The following ADAMTSL1 variants were observed in gnomAD, a reference collection of about 807,000 sequenced individuals.
ADAMTSL1 encodes the protein ADAMTS-like protein 1.
Under a neutral mutation model 201.8 loss-of-function variants are expected in ADAMTSL1, and 126 were observed. The observed-to-expected ratio is 0.62, with a 90% CI of 0.54 to 0.72. The LOEUF is 0.72. Ranked by LOEUF, ADAMTSL1 falls within the 30% of genes least tolerant of loss-of-function variation. The pLI is 0.00. For synonymous variants in ADAMTSL1, 1,121 were observed against 903.4 expected, an observed-to-expected ratio of 1.24 and a Z score of -4.32; for missense variants, 2,679 against 2,277.8, an observed-to-expected ratio of 1.18 and a Z score of -3.59.
chr9:18,775,998 T>C, intron 18 of ADAMTSL1, 102 bp downstream of exon 18: 2 of 1,437,522 alleles, frequency 1.4e-6, no homozygotes, highest in Non-Finnish European at 1.9e-6. Flanking sequence ...CTGTGGGAAA[T>C]AGTGGGACAG....
chr9:18,353,919 A>G (rs1023508801), intron 2 of ADAMTSL1, among the ~76,000 whole-genome samples: 1 of 152,006 alleles, frequency 6.6e-6, no homozygotes, highest in African/African-American at 2.4e-5. Flanking sequence ...AGAAAAATTA[A>G]AAGTCGTAAT....
chr9:18,515,684 G>A (rs944483699), intron 2 of ADAMTSL1, among the ~76,000 whole-genome samples: 2 of 152,100 alleles, frequency 1.3e-5, no homozygotes, highest in Non-Finnish European at 2.9e-5. Context: ...TAAAATGATC[G>A]AGTCCGCCAT....
At chr9:18,876,183 T>G (rs1828136861) in intron 23 of ADAMTSL1, among the ~76,000 whole-genome samples, 1 of 152,142 alleles carries the variant, frequency 6.6e-6, no homozygotes, top group African/African-American at 2.4e-5. Context: ...GTTGGTGAAC[T>G]CTTACTCATT....
At chr9:18,643,348 T>C (rs1429644104) in intron 7 of ADAMTSL1, among the ~76,000 whole-genome samples, 3 of 152,064 alleles carry the variant, frequency 2.0e-5, no homozygotes, top group African/African-American at 7.2e-5. Context: ...ATTTGCAATT[T>C]TTTTTCCATT....
rs112934006 is a variant in ADAMTSL1 at position 18,272,774 on chromosome 9, C to T, written c.207+108793C>T. Among the ~76,000 whole-genome samples, 871 of 152,300 alleles carry T rather than the reference C, an allele frequency of 5.7e-3. 5 individuals are homozygous for T. The highest frequency in any genetic ancestry group is 0.019 in the African/African-American group (778 of 41,566). The stretch of plus-strand genomic sequence containing the variant: ...CTCTCTTCAGCAGACCTGGCCCTCT[C>T]TTAACCATTTTTTCCACTCAATTTC... On this transcript the variant is annotated intron_variant, in intron 2 of 29. Coordinates refer to the ADAMTSL1 transcript ENST00000680146.
At chr9:18,681,695 T>TG (rs201108118) in intron 11 of ADAMTSL1, 117 bp from the exon 12 acceptor site, 9 of 287,150 alleles carry the variant, frequency 3.1e-5, no homozygotes, top group East Asian at 1.7e-4. Context: ...GGAGTCCTCG[T>TG]GTGGGGGGGG....
In ADAMTSL1 at chr9:18,910,919, T is replaced by G. The variant is rs958208874; in HGVS notation, c.*2371T>G. 3.3e-5 allele frequency: 5 copies of G among 152,274 alleles called. No homozygotes were observed. The East Asian group carries it at 9.6e-4, about 29-fold the overall frequency. 9.4% of individuals were successfully genotyped at this position (152,274 alleles called of 1,614,324 possible). On this transcript the variant is annotated 3_prime_UTR_variant, in exon 29 of 29. Transcript: ENST00000380548. Reference sequence around the variant, plus strand: ...AAAACACAAAACTGTATTTGTATTTTTTGTACAGATAATACAGCTTATTTA... The same window carrying G: ...AAAACACAAAACTGTATTTGTATTTGTTGTACAGATAATACAGCTTATTTA...
At chr9:18,030,151 T>G (rs1363704579) in intron 1 of ADAMTSL1, among the ~76,000 whole-genome samples, 3 of 152,234 alleles carry the variant, frequency 2.0e-5, no homozygotes, top group Non-Finnish European at 2.9e-5. Flanking sequence ...CCAACCCAAA[T>G]GTCCAACAAT....
intron 1 of ADAMTSL1, among the ~76,000 whole-genome samples, chr9:18,129,827 A>G (rs1238732790): frequency 2.0e-5 from 3 of 152,194 alleles, no homozygotes; most frequent in African/African-American, 7.2e-5. Flanking sequence ...TGCACGGCCA[A>G]CAAGGAAGTA....
chr9:18,380,825 C>T (rs972302159), intron 2 of ADAMTSL1, among the ~76,000 whole-genome samples: 5 of 152,162 alleles, frequency 3.3e-5, no homozygotes, highest in Non-Finnish European at 5.9e-5. Flanking sequence ...TACTACAGTC[C>T]ATCAGGTGAA....
At chr9:17,946,589 G>A (rs1266692417) in intron 1 of ADAMTSL1, among the ~76,000 whole-genome samples, 4 of 151,982 alleles carry the variant, frequency 2.6e-5, no homozygotes, top group African/African-American at 9.7e-5. Context: ...GTGGTTGAAT[G>A]AAAATTTTCT....
At chr9:18,630,313 C>T (rs1398792836) in intron 5 of ADAMTSL1, among the ~76,000 whole-genome samples, 1 of 152,166 alleles carries the variant, frequency 6.6e-6, no homozygotes, top group African/African-American at 2.4e-5. Flanking sequence ...CCTGTATGAG[C>T]ACCGTGTACT....
intron 2 of ADAMTSL1, among the ~76,000 whole-genome samples, chr9:18,229,459 A>G (rs1005893167): frequency 3.9e-5 from 6 of 151,904 alleles, no homozygotes; most frequent in Non-Finnish European, 7.4e-5. Context: ...ATAAATGTAG[A>G]TGGAGACAGA....
chr9:18,498,551 T>A (rs1165180585), intron 1 of ADAMTSL1, among the ~76,000 whole-genome samples: 1 of 152,160 alleles, frequency 6.6e-6, no homozygotes, highest in East Asian at 1.9e-4. Context: ...TTGGTCAGGC[T>A]GGTCTCAAAG....
chr9:18,717,344 G>T (rs544623271), intron 14 of ADAMTSL1, among the ~76,000 whole-genome samples: 1 of 151,560 alleles, frequency 6.6e-6, no homozygotes, highest in South Asian at 2.1e-4. Flanking sequence ...AGATATTAAA[G>T]GCAATCTGTT....
At chr9:18,748,429 G>GA (rs1157245326) in intron 15 of ADAMTSL1, among the ~76,000 whole-genome samples, 1 of 152,112 alleles carries the variant, frequency 6.6e-6, no homozygotes, top group Non-Finnish European at 1.5e-5. Flanking sequence ...ATTTCTGGGG[G>GA]AAAAACACCA....
At chr9:18,230,672 T>A (rs1830614707) in intron 2 of ADAMTSL1, among the ~76,000 whole-genome samples, 1 of 152,166 alleles carries the variant, frequency 6.6e-6, no homozygotes, top group African/African-American at 2.4e-5. Flanking sequence ...TCAAATGTTA[T>A]CTGTAGACTG....
intron 2 of ADAMTSL1, among the ~76,000 whole-genome samples, chr9:18,445,784 T>A (rs1208952288): frequency 1.3e-5 from 2 of 152,170 alleles, no homozygotes; most frequent in Non-Finnish European, 2.9e-5. Flanking sequence ...AATCCAATAT[T>A]TTTTAAAACC....
chr9:18,774,224 T>C (rs1820851436), intron 17 of ADAMTSL1, among the ~76,000 whole-genome samples: 1 of 151,954 alleles, frequency 6.6e-6, no homozygotes, highest in African/African-American at 2.4e-5. Context: ...CAGATTAACC[T>C]TCTCAAAACA....
Sources: gnomAD v4.1 joint callset for allele counts (sites outside exome capture counted in the v4.1 genomes callset) on GRCh38, gnomAD v4.1.1 for gene constraint, MANE v1.5 for transcripts, NCBI Gene and HGNC (gene_info 2026-07-23, HGNC 2026-07-21) for gene names.